ZNRF3: variants seen among roughly 807,000 people sequenced by gnomAD.
The protein encoded by ZNRF3 is zinc and ring finger 3.
In ZNRF3, 23 loss-of-function variants were observed where a neutral mutation model predicts 72.5. The ratio of observed to expected loss-of-function variants is 0.32; its 90% CI spans 0.23 to 0.45. The LOEUF is 0.45. Ranked by LOEUF, ZNRF3 falls within the 20% of genes least tolerant of loss-of-function variation. ZNRF3 has a pLI of 1.00. For missense variants in ZNRF3, 1,169 were observed against 1,272.1 expected, an observed-to-expected ratio of 0.92 and a Z score of 1.23; for synonymous variants, 610 against 545.3, an observed-to-expected ratio of 1.12 and a Z score of -1.65.
rs149322187 is a variant in ZNRF3, at chr22:28,970,979, A to G, written c.301-16097A>G. ...CTGCACCTGTCAAAACTCACTACAC[A>G]TTGTTATCAGTAAATGATTAGTTTA... On this transcript the variant is annotated intron_variant, in intron 1 of 8. Coordinates refer to ENST00000544604, the MANE Select transcript of ZNRF3 (RefSeq NM_001206998.2). 4.0e-3 allele frequency among the ~76,000 whole-genome samples: 606 copies of G among 152,286 alleles called. 5 individuals carry two copies. Among genetic ancestry groups the G allele is most frequent in the African/African-American group, 0.014 (588 of 41,562 alleles).
At chr22:29,008,119 C>T (rs1330493992) in intron 2 of ZNRF3, among the ~76,000 whole-genome samples, 1 of 152,106 alleles carries the variant, frequency 6.6e-6, no homozygotes, top group East Asian at 1.9e-4. Context: ...CATTTGTATG[C>T]TCAATGAGGA....
Position 29,048,217 on chromosome 22 carries a change from A to G in ZNRF3, c.913-172A>G. 6.6e-6 allele frequency among the ~76,000 whole-genome samples: 1 copy of G among 152,126 alleles called. No individual in the cohort carries two copies. The highest frequency in any genetic ancestry group is 2.1e-4 in the South Asian group (1 of 4,830). On this transcript the variant is annotated intron_variant, in intron 6 of 8. Transcript: ENST00000544604. This position sits in a 1 kb window ranked among gnomAD's most constrained non-coding sequence, Gnocchi z 4.9. ...CTGCTGGCAGTTTCCTTCTTCCTAGAACACATGGGTGGGCCCTGCTTCTAG... is the reference window on the plus strand; with the variant it reads ...CTGCTGGCAGTTTCCTTCTTCCTAGGACACATGGGTGGGCCCTGCTTCTAG...
intron 1 of ZNRF3, among the ~76,000 whole-genome samples, chr22:28,953,348 G>T (rs2035200572): frequency 6.6e-6 from 1 of 152,182 alleles, no homozygotes; most frequent in African/African-American, 2.4e-5. Flanking sequence ...TTTTCCTCCA[G>T]CCCCTCAGCC....
Position 29,049,626 on chromosome 22 carries a change from A to G in ZNRF3, c.1445A>G (p.Gln482Arg). 6.2e-7 allele frequency: 1 copy of G among 1,610,922 alleles called. No individual in the cohort carries two copies. Among genetic ancestry groups the G allele is most frequent in the Non-Finnish European group, 8.5e-7 (1 of 1,179,584 alleles). ...YYFQGLSYPE[Q>R]EGQSPPSLAP... ...TTCCAGGGCCTCAGCTACCCGGAGC[A>G]GGAGGGGCAGTCCCCACCTAGCCTC... The change falls in exon 8 of 9, where the codon CAG becomes CGG. Residue 482 changes from glutamine (Q) to arginine (R), a missense_variant. Gln to Arg is a conservative substitution (Grantham distance 43). Transcript: ENST00000544604. The surrounding 1 kb of genome is among the most constrained non-coding windows in gnomAD (Gnocchi z 5.2).
In ZNRF3 at chr22:29,020,776, GGTGT is replaced by G. The variant is rs3037492; in HGVS notation, c.427-21686_427-21683del. On this transcript the variant is annotated intron_variant, in intron 2 of 8. Transcript: ENST00000544604. ...GGGGCTTTGTTTTTGTGTGTGTGTG[GGTGT>G]GTGTGTGTGTGTGTGTGTGTGTGTG... Among the ~76,000 whole-genome samples the G allele has an allele frequency of 4.4e-3, 377 of 86,134 alleles. 4 individuals carry two copies. The highest frequency in any genetic ancestry group is 0.027 in the Middle Eastern group (4 of 146). 56.5% of individuals were successfully genotyped at this position (86,134 alleles called of 152,430 possible).
chr22:28,924,858 C>T (rs1448000637), intron 1 of ZNRF3, among the ~76,000 whole-genome samples: 1 of 146,652 alleles, frequency 6.8e-6, no homozygotes, highest in Non-Finnish European at 1.5e-5. Context: ...GAGAGGCTTG[C>T]CCAAGGCTGG....
chr22:28,987,334 T>A, intron 2 of ZNRF3, 133 bp downstream of exon 2: 1 of 1,376,194 alleles, frequency 7.3e-7, no homozygotes, highest in Non-Finnish European at 9.7e-7. Context: ...TGAAGTTGCA[T>A]GAGGTGGGGA....
At chr22:28,967,571 G>A (rs902982711) in intron 1 of ZNRF3, among the ~76,000 whole-genome samples, 5 of 152,176 alleles carry the variant, frequency 3.3e-5, no homozygotes, top group Non-Finnish European at 7.3e-5. Context: ...TTGGAAACTT[G>A]TTTTATCCTG....
chr22:28,901,866 C>T (rs950752171), intron 1 of ZNRF3, among the ~76,000 whole-genome samples: 2 of 149,202 alleles, frequency 1.3e-5, no homozygotes, highest in African/African-American at 2.5e-5. Flanking sequence ...AGTGGCTAGG[C>T]GTTTTATGGT....
chr22:29,028,831 C>T (rs922011022), intron 2 of ZNRF3, among the ~76,000 whole-genome samples: 1 of 152,232 alleles, frequency 6.6e-6, no homozygotes, highest in African/African-American at 2.4e-5. Context: ...CAGTACCACT[C>T]TATGACCAAG....
At position 28,941,541 on chromosome 22, in the gene ZNRF3, T is replaced by A. The variant is rs547079895; in HGVS notation, c.301-45535T>A. Among the ~76,000 whole-genome samples, 328 of 152,334 alleles carry A rather than the reference T, an allele frequency of 2.2e-3. 2 individuals carry two copies. The highest frequency in any genetic ancestry group is 7.6e-3 in the African/African-American group (316 of 41,574). On this transcript the variant is annotated intron_variant, in intron 1 of 8. Transcript: ENST00000544604. ...AAATCTTGGCCTATTGAAGAGCCAG[T>A]AAAATGTTGTTTTATTTTTGTTTCT...
intron 2 of ZNRF3, among the ~76,000 whole-genome samples, chr22:28,991,413 A>C (rs2035952686): frequency 6.6e-6 from 1 of 151,776 alleles, no homozygotes; most frequent in South Asian, 2.1e-4. Flanking sequence ...GTTTCATGTC[A>C]CAGAGACCCA....
chr22:28,891,527 G>T (rs1395448668), intron 1 of ZNRF3, among the ~76,000 whole-genome samples: 1 of 152,252 alleles, frequency 6.6e-6, no homozygotes, highest in Non-Finnish European at 1.5e-5. Flanking sequence ...ACAGTGCTTT[G>T]CTCACATTTA....
At chr22:29,044,711 A>G (rs1191718175) in intron 4 of ZNRF3, 69 bp from the exon 5 acceptor site, 9 of 1,081,416 alleles carry the variant, frequency 8.3e-6, no homozygotes, top group Admixed American at 5.1e-5. Context: ...GACAAAGCCA[A>G]GATAGCCCAT....
At chr22:28,969,025 G>A (rs542326507) in intron 1 of ZNRF3, among the ~76,000 whole-genome samples, 2 of 152,166 alleles carry the variant, frequency 1.3e-5, no homozygotes, top group Admixed American at 6.5e-5. Context: ...TGTGGTCTTG[G>A]CCCACATGCA....
intron 2 of ZNRF3, among the ~76,000 whole-genome samples, chr22:28,994,397 A>G (rs1259864030): frequency 2.0e-5 from 3 of 151,388 alleles, no homozygotes; most frequent in East Asian, 2.0e-4. Context: ...GGGTTTCTCC[A>G]TGGTGGTCGG....
At chr22:28,972,950 T>A (rs2035604171) in intron 1 of ZNRF3, among the ~76,000 whole-genome samples, 1 of 152,246 alleles carries the variant, frequency 6.6e-6, no homozygotes, top group South Asian at 2.1e-4. Context: ...AAAGTTCGCA[T>A]ACATTTTCTT....
At chr22:28,985,048 GC>G (rs2035830826) in intron 1 of ZNRF3, among the ~76,000 whole-genome samples, 1 of 152,166 alleles carries the variant, frequency 6.6e-6, no homozygotes, top group African/African-American at 2.4e-5. Flanking sequence ...TGCCTTATGA[GC>G]TTGTGCAACC....
chr22:28,944,350 C>T (rs1042824615), intron 1 of ZNRF3, among the ~76,000 whole-genome samples: 1 of 152,154 alleles, frequency 6.6e-6, no homozygotes, highest in Non-Finnish European at 1.5e-5. Context: ...TGGCTGAGTG[C>T]AGTGGCTCAC....
Sources: allele counts gnomAD v4.1 joint callset (sites outside exome capture counted in the v4.1 genomes callset), GRCh38; gene constraint gnomAD v4.1.1; non-coding constraint Gnocchi (gnomAD v3.1); transcripts MANE v1.5; gene names NCBI Gene and HGNC (gene_info 2026-07-23, HGNC 2026-07-21).